Variants in CFAP61 observed in about 807,000 individuals in gnomAD.
The protein encoded by CFAP61 is cilia- and flagella-associated protein 61.
A neutral mutation model predicts 135.6 loss-of-function variants in CFAP61; 107 were observed. The observed-to-expected ratio is 0.79, with a 90% CI of 0.67 to 0.93. The LOEUF (loss-of-function observed/expected upper bound fraction) is 0.93. CFAP61 is among the 40% of genes least tolerant of loss of function. CFAP61 has a pLI of 0.00. For missense variants in CFAP61, 1,507 were observed against 1,556.2 expected, an observed-to-expected ratio of 0.97 and a Z score of 0.53; for synonymous variants, 575 against 578.5, an observed-to-expected ratio of 0.99 and a Z score of 0.09.
At chr20:20,316,639 C>T (rs974959218) in intron 25 of CFAP61, 1 of 151,770 alleles carries the variant, frequency 6.6e-6, no homozygotes, top group Non-Finnish European at 1.5e-5. Context: ...GGAATGCTTC[C>T]AGTTTTTTCC....
chr20:20,168,799 A>T (rs992022591), intron 12 of CFAP61, among the ~76,000 whole-genome samples: 3 of 152,186 alleles, frequency 2.0e-5, no homozygotes, highest in Non-Finnish European at 4.4e-5. Context: ...AATCATGCTC[A>T]TGGATCTGTT....
chr20:20,309,330 C>T (rs1378867999), intron 25 of CFAP61, among the ~76,000 whole-genome samples: 1 of 152,184 alleles, frequency 6.6e-6, no homozygotes, highest in African/African-American at 2.4e-5. Flanking sequence ...TCCCACCACC[C>T]AGAACCTATT....
At chr20:20,087,690 A>G (rs939019638) in intron 6 of CFAP61, among the ~76,000 whole-genome samples, 1 of 152,178 alleles carries the variant, frequency 6.6e-6, no homozygotes, top group African/African-American at 2.4e-5. Context: ...CTAAGTAATA[A>G]TGATAATAAC....
At chr20:20,270,935 T>C (rs184003599) in intron 21 of CFAP61, among the ~76,000 whole-genome samples, 4 of 152,270 alleles carry the variant, frequency 2.6e-5, no homozygotes, top group East Asian at 3.9e-4. Flanking sequence ...ACCTTTCGAA[T>C]TGCTGGGATT....
At position 20,335,148 on chromosome 20, in the gene CFAP61, G is replaced by A. The variant is rs1289987715; in HGVS notation, c.3423-6683G>A. On this transcript the variant is annotated intron_variant, in intron 25 of 26. Transcript: ENST00000245957. ...GATACAGGGAGTTTCCCACTGGCTT[G>A]GAGGTAGAAGTCACACATGGAAAAT... Among the ~76,000 whole-genome samples, 6 of 152,198 alleles carry A rather than the reference G, an allele frequency of 3.9e-5. No homozygotes were observed. The East Asian group carries it at 9.6e-4, about 24-fold the overall frequency.
chr20:20,248,098 C>A (rs1159334900), intron 19 of CFAP61, among the ~76,000 whole-genome samples: 1 of 152,178 alleles, frequency 6.6e-6, no homozygotes, highest in Non-Finnish European at 1.5e-5. Context: ...CTGGGTCAGT[C>A]CTTGGCACAT....
rs191638572 is a variant in CFAP61, at chr20:20,260,809, C to G, written c.2329-2147C>G. Among the ~76,000 whole-genome samples the G allele has an allele frequency of 2.0e-5, 3 of 152,270 alleles. No individual in the cohort carries two copies. In the East Asian group the frequency reaches 5.8e-4, roughly 29 times the overall value. The stretch of plus-strand genomic sequence containing the variant: ...GCCAAGGCTTTTTCACTTGTTAAAT[C>G]ATGACTTATTAAACTGATGTAATGT... On this transcript the variant is annotated intron_variant, in intron 20 of 26. Coordinates refer to ENST00000245957, the MANE Select transcript of CFAP61 (RefSeq NM_015585.4).
chr20:20,299,116 CT>C (rs2055869060), intron 25 of CFAP61, among the ~76,000 whole-genome samples: 1 of 152,192 alleles, frequency 6.6e-6, no homozygotes, highest in South Asian at 2.1e-4. Context: ...ACAGAAGCAA[CT>C]GCCAGGATTG....
chr20:20,303,446 C>T (rs1022884752), intron 25 of CFAP61, among the ~76,000 whole-genome samples: 4 of 152,080 alleles, frequency 2.6e-5, no homozygotes, highest in Admixed American at 2.0e-4. Context: ...GGAAGATGGC[C>T]GCCAGTCATT....
chr20:20,100,561 A>G (rs2047947711), intron 8 of CFAP61, among the ~76,000 whole-genome samples: 1 of 152,214 alleles, frequency 6.6e-6, no homozygotes, highest in South Asian at 2.1e-4. Context: ...GGACAATTAA[A>G]TGTTAGAATC....
chr20:20,263,040 A>T lies in CFAP61; in HGVS notation c.2413A>T (p.Lys805Ter). 6.2e-7 allele frequency: 1 copy of T among 1,614,114 alleles called. No individual in the cohort carries two copies. Among genetic ancestry groups the T allele is most frequent in the Non-Finnish European group, 8.5e-7 (1 of 1,179,972 alleles). The change falls in exon 21 of 27, where the codon AAA becomes TAA. Residue 805 changes from lysine to a stop codon, truncating the protein, a stop_gained. Coordinates refer to ENST00000245957, the MANE Select transcript of CFAP61 (RefSeq NM_015585.4). LOFTEE classifies it high-confidence loss of function. ...CAGCAGTCAGCGGCGGTACACGGGGAAAGTTCCTTGCAACCATTTCACTCT... is the reference window on the plus strand; with the variant it reads ...CAGCAGTCAGCGGCGGTACACGGGGTAAGTTCCTTGCAACCATTTCACTCT... ...PNSSQRRYTG[K>*]VPCNHFTLNE...
At chr20:20,307,470 C>A (rs62200184) in intron 25 of CFAP61, among the ~76,000 whole-genome samples, 12,139 of 152,194 alleles carry the variant, frequency 0.08, 628 homozygotes, top group Non-Finnish European at 0.11. Flanking sequence ...GACTTTAGCT[C>A]GTGTGTTCCT....
At chr20:20,073,606 G>C (rs1178909791) in intron 3 of CFAP61, among the ~76,000 whole-genome samples, 3 of 152,200 alleles carry the variant, frequency 2.0e-5, no homozygotes, top group African/African-American at 7.2e-5. Flanking sequence ...GTACCGAGTT[G>C]AGTGGACCAA....
intron 25 of CFAP61, among the ~76,000 whole-genome samples, chr20:20,337,574 A>G (rs2058270354): frequency 1.4e-4 from 1 of 6,978 alleles, no homozygotes; most frequent in African/African-American, 3.4e-4. Flanking sequence ...GGATGGATGG[A>G]TGGATAGATG....
chr20:20,183,217 C>T (rs965641462), intron 13 of CFAP61, among the ~76,000 whole-genome samples: 2 of 151,332 alleles, frequency 1.3e-5, no homozygotes, highest in Admixed American at 6.6e-5. Flanking sequence ...TGCAGTGGCA[C>T]GACTTCGACT....
chr20:20,136,645 T>C (rs1451523900), intron 8 of CFAP61, among the ~76,000 whole-genome samples: 1 of 152,260 alleles, frequency 6.6e-6, no homozygotes, highest in East Asian at 1.9e-4. Flanking sequence ...TCCTTCTCCA[T>C]GCTATCTAGA....
intron 19 of CFAP61, among the ~76,000 whole-genome samples, chr20:20,249,649 A>G (rs1400509914): frequency 6.6e-6 from 1 of 152,234 alleles, no homozygotes; most frequent in East Asian, 1.9e-4. Context: ...AGTGGTCCCC[A>G]GTGCCATTCC....
At chr20:20,268,836 T>C (rs562036212) in intron 21 of CFAP61, among the ~76,000 whole-genome samples, 1 of 151,866 alleles carries the variant, frequency 6.6e-6, no homozygotes, top group Admixed American at 6.6e-5. Context: ...GAAAGTAAAG[T>C]AAAAAAAATA....
intron 6 of CFAP61, among the ~76,000 whole-genome samples, chr20:20,086,124 G>A (rs958473024): frequency 6.6e-6 from 1 of 150,756 alleles, no homozygotes; most frequent in Non-Finnish European, 1.5e-5. Context: ...CCAAGTCTTA[G>A]CATTGAAGTG....
Sources: gnomAD v4.1 joint callset for allele counts (sites outside exome capture counted in the v4.1 genomes callset) on GRCh38, gnomAD v4.1.1 for gene constraint, MANE v1.5 for transcripts, NCBI Gene and HGNC (gene_info 2026-07-23, HGNC 2026-07-21) for gene names.